RBFOX1: variants seen among roughly 807,000 people sequenced by gnomAD.
RBFOX1 encodes RNA binding fox-1 homolog 1, also known as RNA binding protein fox-1 homolog 1.
A neutral mutation model predicts 57.7 loss-of-function variants in RBFOX1; 8 were observed. The ratio of observed to expected loss-of-function variants is 0.14; its 90% CI spans 0.08 to 0.25. The LOEUF (loss-of-function observed/expected upper bound fraction) is 0.25. Among genes scored for constraint, RBFOX1 ranks in the 10% least tolerant of loss-of-function variants. The pLI is 1.00. For synonymous variants in RBFOX1, 326 were observed against 222.4 expected, an observed-to-expected ratio of 1.47 and a Z score of -4.15; for missense variants, 611 against 548.5, an observed-to-expected ratio of 1.11 and a Z score of -1.14.
At chr16:7,447,922 C>T (rs554415840) in intron 4 of RBFOX1, among the ~76,000 whole-genome samples, 5 of 152,312 alleles carry the variant, frequency 3.3e-5, no homozygotes, top group Admixed American at 6.5e-5. Flanking sequence ...CAGGCATCTG[C>T]GTTAAATATG....
chr16:7,213,322 A>C (rs1031925060), intron 4 of RBFOX1, among the ~76,000 whole-genome samples: 3 of 152,200 alleles, frequency 2.0e-5, no homozygotes, highest in African/African-American at 7.2e-5. Context: ...GCATGGATCC[A>C]AGCCCAAACC....
intron 2 of RBFOX1, among the ~76,000 whole-genome samples, chr16:6,541,233 CTG>C (rs978004603): frequency 2.0e-5 from 3 of 152,186 alleles, no homozygotes; most frequent in Non-Finnish European, 2.9e-5. Flanking sequence ...GGGAGACAGA[CTG>C]TAGTCTCTCC....
At chr16:6,358,850 G>A (rs868718066) in intron 2 of RBFOX1, among the ~76,000 whole-genome samples, 5 of 152,202 alleles carry the variant, frequency 3.3e-5, no homozygotes, top group African/African-American at 1.2e-4. Context: ...TTTATGGAGA[G>A]AGGGGAGAAA....
rs79490229 is a variant in RBFOX1 at position 5,636,896 on chromosome 16, C to G, written c.318+37935C>G. On this transcript the variant is annotated intron_variant, in intron 3 of 19. Transcript: ENST00000641259. ...ATCATTTTTGCAAATCAGAGCTGAGCTCTGAGCCTCTGACCAGGAGGCCTG... is the reference window on the plus strand; with the variant it reads ...ATCATTTTTGCAAATCAGAGCTGAGGTCTGAGCCTCTGACCAGGAGGCCTG... Among the ~76,000 whole-genome samples, 44 of 152,314 alleles carry G rather than the reference C, an allele frequency of 2.9e-4. No individual in the cohort carries two copies. The East Asian group carries it at 7.9e-3, about 27-fold the overall frequency.
chr16:6,630,285 G>T (rs1314523709), intron 2 of RBFOX1, among the ~76,000 whole-genome samples: 1 of 152,068 alleles, frequency 6.6e-6, no homozygotes, highest in Admixed American at 6.5e-5. Context: ...CACACCCAAG[G>T]AATGGAAAAG....
rs982232737 is a variant in RBFOX1, at chr16:6,316,980, C to T, written c.-126-15C>T. On this transcript the variant is annotated splice_polypyrimidine_tract_variant and intron_variant, in intron 1 of 15. Transcript: ENST00000550418. ...ATTTCTTGATACTAAAGTCATTCCCCTTTTTCTTCTTTAGGAAACTGGTCA... is the reference window on the plus strand; with the variant it reads ...ATTTCTTGATACTAAAGTCATTCCCTTTTTTCTTCTTTAGGAAACTGGTCA... The T allele has an allele frequency of 1.0e-5, 16 of 1,533,664 alleles. No homozygotes were observed. The African/African-American group carries it at 1.8e-4, about 17-fold the overall frequency.
chr16:7,077,648 G>C (rs2153790623), intron 4 of RBFOX1, among the ~76,000 whole-genome samples: 1 of 152,260 alleles, frequency 6.6e-6, no homozygotes, highest in Non-Finnish European at 1.5e-5. Flanking sequence ...CGTATTAGTA[G>C]CAACTTACCA....
intron 3 of RBFOX1, among the ~76,000 whole-genome samples, chr16:5,798,530 T>G (rs1170571403): frequency 1.3e-5 from 2 of 152,176 alleles, no homozygotes; most frequent in Non-Finnish European, 2.9e-5. Flanking sequence ...GGTAGAACTT[T>G]AAACAGTTGG....
intron 14 of RBFOX1, among the ~76,000 whole-genome samples, chr16:7,696,921 AGGAG>A: frequency 6.6e-6 from 1 of 152,182 alleles, no homozygotes; most frequent in Non-Finnish European, 1.5e-5. Flanking sequence ...TGAGGTGTCC[AGGAG>A]TAAGACATCC....
chr16:6,362,525 C>G (rs1053724425), intron 2 of RBFOX1, among the ~76,000 whole-genome samples: 4 of 152,258 alleles, frequency 2.6e-5, no homozygotes, highest in African/African-American at 7.2e-5. Flanking sequence ...ATTTGTGTGC[C>G]AGGACATATG....
chr16:6,361,685 C>T (rs772512927), intron 2 of RBFOX1, among the ~76,000 whole-genome samples: 16 of 151,582 alleles, frequency 1.1e-4, no homozygotes, highest in African/African-American at 1.5e-4. Context: ...ATTAGTGTTA[C>T]CTGGAGAGCT....
chr16:5,750,563 A>G (rs562660339), intron 3 of RBFOX1, among the ~76,000 whole-genome samples: 4 of 152,274 alleles, frequency 2.6e-5, no homozygotes, highest in African/African-American at 4.8e-5. Flanking sequence ...AGCCTCAGCA[A>G]TGGCAGGCGC....
intron 3 of RBFOX1, among the ~76,000 whole-genome samples, chr16:5,768,738 G>A (rs2053875276): frequency 6.6e-6 from 1 of 152,154 alleles, no homozygotes; most frequent in African/African-American, 2.4e-5. Flanking sequence ...AGGAGGTCAG[G>A]CCAGCCTTTG....
At chr16:6,343,587 A>G (rs943374348) in intron 2 of RBFOX1, among the ~76,000 whole-genome samples, 4 of 152,218 alleles carry the variant, frequency 2.6e-5, no homozygotes, top group South Asian at 2.1e-4. Flanking sequence ...AACAACAACA[A>G]TAATAACCAA....
intron 3 of RBFOX1, among the ~76,000 whole-genome samples, chr16:6,899,174 G>A (rs999284771): frequency 1.4e-5 from 2 of 143,962 alleles, no homozygotes; most frequent in Non-Finnish European, 3.1e-5. Flanking sequence ...GTGTATGTGT[G>A]TGTATAATAT....
In RBFOX1 at chr16:7,199,555, A is replaced by G. The variant is rs145228739; in HGVS notation, c.27+147457A>G. ...GTTCAGAGGAATGGTATCTACTTCC[A>G]TACACAGAATCAGCCAATAATCTGA... On this transcript the variant is annotated intron_variant, in intron 4 of 15. Coordinates refer to ENST00000550418, the MANE Select transcript of RBFOX1 (RefSeq NM_018723.4). Among the ~76,000 whole-genome samples the G allele has an allele frequency of 1.1e-3, 174 of 152,306 alleles. 1 individual carries two copies. The Middle Eastern group carries it at 0.017, about 15-fold the overall frequency.
intron 2 of RBFOX1, among the ~76,000 whole-genome samples, chr16:6,446,066 G>A (rs2094479412): frequency 6.6e-6 from 1 of 152,122 alleles, no homozygotes; most frequent in Non-Finnish European, 1.5e-5. Context: ...CTGGGCTCAA[G>A]CAATCCTCCC....
chr16:6,663,203 C>G (rs147105947), intron 3 of RBFOX1, among the ~76,000 whole-genome samples: 3 of 152,248 alleles, frequency 2.0e-5, no homozygotes, highest in East Asian at 3.9e-4. Flanking sequence ...TGGATAAGTC[C>G]TATCCACATG....
intron 1 of RBFOX1, among the ~76,000 whole-genome samples, chr16:6,311,295 CAAAAAA>C (rs71145210): frequency 8.8e-5 from 8 of 91,236 alleles, no homozygotes; most frequent in African/African-American, 1.9e-4. Flanking sequence ...GACTCTGTCT[CAAAAAA>C]AAAAAAAAAA....
Sources: gnomAD v4.1 joint callset for allele counts (sites outside exome capture counted in the v4.1 genomes callset) on GRCh38, gnomAD v4.1.1 for gene constraint, MANE v1.5 for transcripts, NCBI Gene and HGNC (gene_info 2026-07-23, HGNC 2026-07-21) for gene names.